The following LAMA2 variants were observed in gnomAD, a reference collection of about 807,000 sequenced individuals.
LAMA2 encodes laminin subunit alpha 2, also known as laminin subunit alpha-2.
LAMA2 carries 269 observed loss-of-function variants against 364.8 expected under a neutral mutation model. The observed-to-expected ratio is 0.74, with a 90% confidence interval of 0.67 to 0.82. The LOEUF is 0.82. LAMA2 is among the 40% of genes least tolerant of loss of function. LAMA2 has a pLI of 0.00. For missense variants in LAMA2, 3,807 were observed against 3,873.2 expected (o/e 0.98, Z 0.45); for synonymous variants, 1,379 against 1,370.6 (o/e 1.01, Z -0.14).
intron 1 of LAMA2, among the ~76,000 whole-genome samples, chr6:128,956,380 G>A (rs1327829794): frequency 6.6e-6 from 1 of 151,958 alleles, no homozygotes; most frequent in African/African-American, 2.4e-5. Context: ...AAAAGTTCAA[G>A]AAGCCGTGAG....
At chr6:129,093,808 A>AT (rs1433211261) in intron 3 of LAMA2, among the ~76,000 whole-genome samples, 1 of 152,126 alleles carries the variant, frequency 6.6e-6, no homozygotes, top group Admixed American at 6.6e-5. Context: ...GTTATTTGGG[A>AT]TTTTTTTAAG....
At chr6:129,378,799 C>A (rs778863477) in intron 34 of LAMA2, among the ~76,000 whole-genome samples, 10 of 152,298 alleles carry the variant, frequency 6.6e-5, no homozygotes, top group African/African-American at 1.4e-4. Context: ...CCTCCTCATA[C>A]CTTCCTTTTC....
chr6:128,905,937 A>G (rs1777433079), intron 1 of LAMA2, among the ~76,000 whole-genome samples: 1 of 151,852 alleles, frequency 6.6e-6, no homozygotes, highest in African/African-American at 2.4e-5. Context: ...TTCCAATTTC[A>G]TCCATGTCCC....
intron 38 of LAMA2, 77 bp from the exon 39 acceptor site, chr6:129,402,245 TTA>T: frequency 9.4e-7 from 1 of 1,060,882 alleles, no homozygotes; most frequent in Admixed American, 1.8e-5. Flanking sequence ...AAACGTGTAG[TTA>T]TGTCTCATAG....
At chr6:129,145,351 A>G in intron 5 of LAMA2, among the ~76,000 whole-genome samples, 1 of 151,978 alleles carries the variant, frequency 6.6e-6, no homozygotes, top group East Asian at 1.9e-4. Context: ...AGTGCCCTGT[A>G]TTTTCCAAAC....
chr6:129,189,143 C>A (rs1008668084), intron 10 of LAMA2, among the ~76,000 whole-genome samples: 1 of 151,940 alleles, frequency 6.6e-6, no homozygotes, highest in Non-Finnish European at 1.5e-5. Flanking sequence ...CTAGAGAGAA[C>A]AATCTTTGAG....
Position 129,436,164 on chromosome 6 carries a change from C to A in LAMA2, c.5969-2482C>A, listed in dbSNP as rs139599479. Among the ~76,000 whole-genome samples the A allele has an allele frequency of 2.3e-4, 35 of 152,212 alleles. No homozygotes were observed. In the East Asian group the frequency reaches 6.6e-3, roughly 29 times the overall value. ...CAGAAAGCAATTTAGCCAGCACAAC[C>A]GGGTATAAAATGAGAAGTTTTAGTA... On this transcript the variant is annotated intron_variant, in intron 41 of 64. Coordinates refer to ENST00000421865, the MANE Select transcript of LAMA2 (RefSeq NM_000426.4).
Position 129,250,133 on chromosome 6 carries a change from T to C in LAMA2, c.1804T>C (p.Leu602=). The change falls in exon 13 of 65, where the codon TTG becomes CTG. Residue 602 remains leucine, a synonymous_variant. Coordinates refer to ENST00000421865, the MANE Select transcript of LAMA2 (RefSeq NM_000426.4). ...GTAGCTCCCAGCAGTAGGAGGACAG[T>C]TGACATTTACCATATCATATGACCT... The part of the protein sequence containing the change: ...GNKLPAVGGQ[L]TFTISYDLEE... 3.7e-6 allele frequency: 6 copies of C among 1,606,170 alleles called. No homozygotes were observed. The highest frequency in any genetic ancestry group is 5.1e-6 in the Non-Finnish European group (6 of 1,173,074).
rs745625084 is a variant in LAMA2, at chr6:129,297,912, AGGGTCT to A, written c.3037+49_3037+54del. The A allele has an allele frequency of 4.6e-6, 7 of 1,515,146 alleles. No individual in the cohort carries two copies. In the South Asian group the frequency reaches 6.9e-5, roughly 15 times the overall value. 93.9% of individuals were successfully genotyped at this position (1,515,146 alleles called of 1,614,324 possible). On this transcript the variant is annotated intron_variant, in intron 21 of 64. Coordinates refer to ENST00000421865, the MANE Select transcript of LAMA2 (RefSeq NM_000426.4). The stretch of plus-strand genomic sequence containing the variant: ...CCTACATATTCACTCTGATAGTTTT[AGGGTCT>A]GACTTCTGTAACAGTTTGTTCTTTT...
At chr6:129,387,498 GATTCC>G (rs1554285993) in intron 35 of LAMA2, among the ~76,000 whole-genome samples, 1 of 152,154 alleles carries the variant, frequency 6.6e-6, no homozygotes, top group Non-Finnish European at 1.5e-5. Context: ...ACAGTGTGGC[GATTCC>G]TCAAGGATCC....
chr6:129,152,879 T>C (rs1206324420), intron 7 of LAMA2, among the ~76,000 whole-genome samples: 1 of 152,300 alleles, frequency 6.6e-6, no homozygotes, highest in East Asian at 1.9e-4. Flanking sequence ...AAGGGCTCCA[T>C]GATTTACTGT....
At chr6:129,340,735 G>A (rs1324795712) in intron 29 of LAMA2, among the ~76,000 whole-genome samples, 1 of 150,572 alleles carries the variant, frequency 6.6e-6, no homozygotes, top group South Asian at 2.1e-4. Context: ...TACTCGGGAA[G>A]GTGAGGCAGG....
chr6:129,500,935 T>C, intron 58 of LAMA2, among the ~76,000 whole-genome samples: 1 of 152,228 alleles, frequency 6.6e-6, no homozygotes, highest in East Asian at 1.9e-4. Flanking sequence ...GGTGGTTCTC[T>C]TTTAAGCTAC....
intron 14 of LAMA2, among the ~76,000 whole-genome samples, chr6:129,255,419 A>G (rs1262347775): frequency 6.7e-6 from 1 of 148,624 alleles, no homozygotes; most frequent in African/African-American, 2.5e-5. Flanking sequence ...AAAAAAAAAA[A>G]AAAAAAAAAA....
chr6:129,148,860 T>G (rs548045778), intron 6 of LAMA2, 119 bp from the exon 7 acceptor site: 2 of 806,752 alleles, frequency 2.5e-6, no homozygotes, highest in African/African-American at 3.4e-5. Flanking sequence ...CTGGCTAGTT[T>G]TACATTTTAG....
intron 40 of LAMA2, among the ~76,000 whole-genome samples, chr6:129,417,421 G>A (rs10872339): frequency 0.43 from 65,382 of 151,636 alleles, 14,240 homozygotes; most frequent in South Asian, 0.48. Context: ...GCTGAGTCCG[G>A]GGTTTTTTAT....
intron 13 of LAMA2, among the ~76,000 whole-genome samples, chr6:129,251,068 CTCTCTCTCTA>C (rs1340430811): frequency 1.3e-3 from 90 of 68,534 alleles, no homozygotes; most frequent in Admixed American, 1.8e-3. Flanking sequence ...CTCTCTCTCT[CTCTCTCTCTA>C]TATATATATA....
chr6:129,103,936 A>G (rs1003759025), intron 4 of LAMA2, among the ~76,000 whole-genome samples: 2 of 152,160 alleles, frequency 1.3e-5, no homozygotes, highest in African/African-American at 4.8e-5. Context: ...ATTTTCTTCC[A>G]GACCTTCAAA....
chr6:129,314,330 C>A (rs944447126), intron 23 of LAMA2, among the ~76,000 whole-genome samples: 4 of 137,126 alleles, frequency 2.9e-5, no homozygotes. Flanking sequence ...ACCTGGGAGG[C>A]GGAGCTTGCA....
Sources: gnomAD v4.1 joint callset for allele counts (sites outside exome capture counted in the v4.1 genomes callset) on GRCh38, gnomAD v4.1.1 for gene constraint, MANE v1.5 for transcripts, NCBI Gene and HGNC (gene_info 2026-07-23, HGNC 2026-07-21) for gene names.